Variants in NCAPG observed in about 807,000 individuals in gnomAD.
The protein encoded by NCAPG is condensin complex subunit 3.
In NCAPG, 69 loss-of-function variants were observed where a neutral mutation model predicts 113.1. The ratio of observed to expected loss-of-function variants is 0.61; its 90% CI spans 0.50 to 0.75. The LOEUF is 0.75. NCAPG is among the 30% of genes least tolerant of loss of function. The pLI is 0.00. For missense variants in NCAPG, 1,058 were observed against 1,177.0 expected, an observed-to-expected ratio of 0.90 and a Z score of 1.48; for synonymous variants, 370 against 415.8, an observed-to-expected ratio of 0.89 and a Z score of 1.34.
chr4:17,831,165 T>A, intron 13 of NCAPG, 49 bp downstream of exon 13: 4 of 1,588,858 alleles, frequency 2.5e-6, no homozygotes, highest in Non-Finnish European at 3.4e-6. Flanking sequence ...TGAAATACTC[T>A]GTGGCGATAA....
intron 7 of NCAPG, among the ~76,000 whole-genome samples, chr4:17,819,019 A>G (rs1336739395): frequency 7.9e-5 from 12 of 152,184 alleles, no homozygotes; most frequent in Non-Finnish European, 1.6e-4. Flanking sequence ...TGTATATTCA[A>G]ACCTCTTTCT....
At chr4:17,843,199 T>C in intron 20 of NCAPG, 103 bp from the exon 21 acceptor site, 1 of 1,268,202 alleles carries the variant, frequency 7.9e-7, no homozygotes. Context: ...GGCTATCAAT[T>C]AAACACTGAT....
chr4:17,835,636 C>G (rs1455843253), intron 14 of NCAPG, among the ~76,000 whole-genome samples: 5 of 152,234 alleles, frequency 3.3e-5, no homozygotes, highest in African/African-American at 1.2e-4. Flanking sequence ...CTCATTCCCC[C>G]TTCTGCCAGC....
intron 15 of NCAPG, 35 bp from the exon 16 acceptor site, chr4:17,837,592 T>C (rs1722153681): frequency 7.6e-6 from 12 of 1,581,036 alleles, no homozygotes; most frequent in Non-Finnish European, 1.0e-5. Context: ...TCAAATAATG[T>C]TCTGCCAACA....
intron 13 of NCAPG, among the ~76,000 whole-genome samples, chr4:17,832,230 G>T (rs1336636485): frequency 6.6e-6 from 1 of 152,192 alleles, no homozygotes; most frequent in Non-Finnish European, 1.5e-5. Context: ...CTAGTATTAA[G>T]TAGGGGTACA....
At chr4:17,830,895 A>AC in intron 12 of NCAPG, 102 bp from the exon 13 acceptor site, 1 of 1,211,808 alleles carries the variant, frequency 8.3e-7, no homozygotes, top group South Asian at 1.5e-5. Context: ...TTTAATACTT[A>AC]CCTTTTCTTT....
chr4:17,818,395 T>C (rs1721306744), intron 7 of NCAPG, among the ~76,000 whole-genome samples: 1 of 152,158 alleles, frequency 6.6e-6, no homozygotes, highest in African/African-American at 2.4e-5. Flanking sequence ...TTCTGTTAAG[T>C]GTCAGATAAT....
chr4:17,842,427 A>T, intron 20 of NCAPG, 48 bp downstream of exon 20: 1 of 1,485,560 alleles, frequency 6.7e-7, no homozygotes, highest in Non-Finnish European at 9.3e-7. Context: ...TTCACTTTTT[A>T]TTTCTACAAG....
At chr4:17,815,165 G>T in intron 4 of NCAPG, 109 bp from the exon 5 acceptor site, 1 of 1,237,094 alleles carries the variant, frequency 8.1e-7, no homozygotes, top group South Asian at 1.4e-5. Flanking sequence ...ATGTTACCAG[G>T]TATTAATTTC....
At chr4:17,824,027 T>C (rs1002015489) in intron 9 of NCAPG, among the ~76,000 whole-genome samples, 1 of 152,076 alleles carries the variant, frequency 6.6e-6, no homozygotes, top group Non-Finnish European at 1.5e-5. Context: ...AAGTTACAAG[T>C]GGGGATATGG....
chr4:17,826,729 G>A (rs1006802412), intron 11 of NCAPG, among the ~76,000 whole-genome samples: 4 of 152,202 alleles, frequency 2.6e-5, no homozygotes, highest in Non-Finnish European at 5.9e-5. Flanking sequence ...AAATGCTATG[G>A]TCAGGGAAGT....
chr4:17,813,363 C>T, intron 3 of NCAPG: 1 of 353,318 alleles, frequency 2.8e-6, no homozygotes, highest in South Asian at 6.7e-5. Flanking sequence ...TCAGAAGTAA[C>T]TATTAAATCC....
Position 17,814,950 on chromosome 4 carries a change from A to G in NCAPG, c.642A>G (p.Val214=), listed in dbSNP as rs535839340. The G allele has an allele frequency of 6.2e-6, 10 of 1,614,230 alleles. No individual in the cohort carries two copies. In the East Asian group the frequency reaches 1.8e-4, roughly 29 times the overall value. Residue 214 remains valine, a synonymous_variant, in exon 4 of 21, where the codon GTA becomes GTG. Transcript: ENST00000251496. The part of the protein sequence containing the change: ...APSAKTLPKI[V]GRTKDVKEAV... ...CAGCAAAGACTTTGCCAAAAATTGT[A>G]GGGCGCACCAAGGATGTGAAAGAGG...
rs756329340 is a variant in NCAPG, at chr4:17,815,295, A to G, written c.712A>G (p.Met238Val). 5.0e-6 allele frequency: 8 copies of G among 1,599,380 alleles called. No homozygotes were observed. In the South Asian group the frequency reaches 9.1e-5, roughly 18 times the overall value. ...AYQVLAEKVH[M>V]RAMSIAQRVM... ...TAAGGTTTTAGCTGAAAAGGTTCAT[A>G]TGAGAGCTATGTCCATTGCTCAGAG... The change falls in exon 5 of 21, where the codon ATG becomes GTG. Residue 238 changes from methionine (M) to valine (V), a missense_variant. Coordinates refer to ENST00000251496, the MANE Select transcript of NCAPG (RefSeq NM_022346.5).
chr4:17,816,583 TTG>T (rs1166418081), intron 5 of NCAPG, among the ~76,000 whole-genome samples: 1 of 152,248 alleles, frequency 6.6e-6, no homozygotes, highest in Non-Finnish European at 1.5e-5. Flanking sequence ...AGACTAAGGT[TTG>T]TTCAGTGACG....
Position 17,813,161 on chromosome 4 carries a change from T to G in NCAPG, c.544+16T>G, listed in dbSNP as rs1295720845. The G allele has an allele frequency of 6.4e-7, 1 of 1,566,858 alleles. No individual in the cohort carries two copies. The highest frequency in any genetic ancestry group is 2.0e-5 in the Admixed American group (1 of 50,214). On this transcript the variant is annotated intron_variant, in intron 3 of 20. Coordinates refer to ENST00000251496, the MANE Select transcript of NCAPG (RefSeq NM_022346.5). ...GTGGTTAATGGTGTGTGTAGTTTCC[T>G]AAATCTTTTTTCAGATTTGTTGATT...
intron 16 of NCAPG, 25 bp downstream of exon 16, chr4:17,837,826 C>T: frequency 1.9e-6 from 3 of 1,611,742 alleles, no homozygotes; most frequent in Non-Finnish European, 2.5e-6. Flanking sequence ...TAACTGCATG[C>T]AGATCACTGT....
rs1046884779 is a variant in NCAPG at position 17,834,475 on chromosome 4, T to A, written c.2061T>A (p.Ala687=). The A allele has an allele frequency of 9.0e-5, 144 of 1,608,068 alleles. No homozygotes were observed. The highest frequency in any genetic ancestry group is 1.2e-4 in the Non-Finnish European group (136 of 1,177,042). ...AATCAAAAGAAGTTGAAGAGACTGCTACAGCTAAGAATGTTCTGAAACTCC... is the reference window on the plus strand; with the variant it reads ...AATCAAAAGAAGTTGAAGAGACTGCAACAGCTAAGAATGTTCTGAAACTCC... ...EQESKEVEET[A]TAKNVLKLLS... is the part of the protein sequence containing the mutation. The change falls in exon 14 of 21, where the codon GCT becomes GCA. Residue 687 remains alanine, a synonymous_variant. Coordinates refer to ENST00000251496, the MANE Select transcript of NCAPG (RefSeq NM_022346.5).
At chr4:17,834,746 C>A (rs563775482) in intron 14 of NCAPG, among the ~76,000 whole-genome samples, 48 of 152,250 alleles carry the variant, frequency 3.2e-4, no homozygotes, top group Admixed American at 3.1e-3. Flanking sequence ...ACCCCCCTAT[C>A]CCCTGATAGG....
Sources: allele counts gnomAD v4.1 joint callset (sites outside exome capture counted in the v4.1 genomes callset), GRCh38; gene constraint gnomAD v4.1.1; transcripts MANE v1.5; gene names NCBI Gene and HGNC (gene_info 2026-07-23, HGNC 2026-07-21).